Variants in CSMD1 observed in about 807,000 individuals in gnomAD.
CSMD1 encodes the protein CUB and Sushi multiple domains 1, also known as CUB and sushi domain-containing protein 1.
CSMD1 carries 213 observed loss-of-function variants against 417.5 expected under a neutral mutation model. The observed-to-expected ratio is 0.51, with a 90% CI of 0.46 to 0.57. The LOEUF (loss-of-function observed/expected upper bound fraction) is 0.57, where lower values mean the gene tolerates loss of function less well. Ranked by LOEUF, CSMD1 falls within the 20% of genes least tolerant of loss-of-function variation. The pLI is 0.00. For synonymous variants in CSMD1, 2,862 were observed against 1,736.8 expected, an observed-to-expected ratio of 1.65 and a Z score of -16.11; for missense variants, 6,923 against 4,529.7, an observed-to-expected ratio of 1.53 and a Z score of -15.17.
intron 10 of CSMD1, among the ~76,000 whole-genome samples, chr8:3,549,173 G>A (rs555789481): frequency 2.0e-5 from 3 of 152,262 alleles, no homozygotes; most frequent in South Asian, 4.1e-4. Flanking sequence ...ACAGCTCACG[G>A]TCCACATCCA....
intron 1 of CSMD1, among the ~76,000 whole-genome samples, chr8:4,768,546 C>G (rs1054620240): frequency 1.3e-5 from 2 of 152,180 alleles, no homozygotes; most frequent in East Asian, 1.9e-4. Flanking sequence ...TTGTTTGAGC[C>G]TCTTCTGTAG....
intron 2 of CSMD1, among the ~76,000 whole-genome samples, chr8:4,542,383 T>G (rs13272968): frequency 0.3 from 45,943 of 152,090 alleles, 8,132 homozygotes; most frequent in South Asian, 0.39. Flanking sequence ...TTTTTAAGTT[T>G]TCTCTTCAGA....
intron 1 of CSMD1, among the ~76,000 whole-genome samples, chr8:4,933,708 T>C (rs13259602): frequency 0.31 from 47,318 of 152,030 alleles, 8,337 homozygotes; most frequent in Non-Finnish European, 0.41. Context: ...GATGGAAGAA[T>C]GGATGAATGC....
chr8:4,705,050 T>C (rs1389296220), intron 1 of CSMD1, among the ~76,000 whole-genome samples: 1 of 152,196 alleles, frequency 6.6e-6, no homozygotes, highest in Non-Finnish European at 1.5e-5. Flanking sequence ...GCTGTTCTCA[T>C]GCTAGTGGGT....
chr8:3,406,232 A>G lies in CSMD1; in HGVS notation c.2072-11T>C, dbSNP rs1420949003. On this transcript the variant is annotated splice_polypyrimidine_tract_variant and intron_variant, in intron 14 of 69. Coordinates refer to ENST00000635120, the MANE Select transcript of CSMD1 (RefSeq NM_033225.6). The stretch of plus-strand genomic sequence containing the variant: ...CATTCTGACCAAATGCTGAAAGAAA[A>G]AGAAGAAGAAAAAAGGAATAAAAAT... 6.4e-7 allele frequency: 1 copy of G among 1,564,852 alleles called. No individual in the cohort carries two copies. The highest frequency in any genetic ancestry group is 8.6e-7 in the Non-Finnish European group (1 of 1,156,368).
intron 3 of CSMD1, among the ~76,000 whole-genome samples, chr8:4,411,010 C>T (rs149111657): frequency 9.1e-4 from 139 of 152,274 alleles, no homozygotes; most frequent in African/African-American, 3.2e-3. Flanking sequence ...TGTCTTACCT[C>T]TTTTGCATTC....
intron 26 of CSMD1, among the ~76,000 whole-genome samples, chr8:3,248,184 T>C (rs1464125032): frequency 6.6e-6 from 1 of 152,064 alleles, no homozygotes; most frequent in Non-Finnish European, 1.5e-5. Context: ...AATTAAAGAA[T>C]GAAGTATGAA....
At chr8:4,601,785 A>T (rs1023247529) in intron 2 of CSMD1, among the ~76,000 whole-genome samples, 1 of 152,166 alleles carries the variant, frequency 6.6e-6, no homozygotes, top group African/African-American at 2.4e-5. Context: ...ACCAAATGAA[A>T]AGTGAGTAAA....
chr8:3,386,179 T>C (rs996862444), intron 18 of CSMD1, among the ~76,000 whole-genome samples: 7 of 152,174 alleles, frequency 4.6e-5, no homozygotes, highest in Non-Finnish European at 1.0e-4. Context: ...ATGCCTCAGC[T>C]CATCTGCACA....
At chr8:4,589,055 T>C (rs1238927111) in intron 2 of CSMD1, among the ~76,000 whole-genome samples, 1 of 152,104 alleles carries the variant, frequency 6.6e-6, no homozygotes, top group Non-Finnish European at 1.5e-5. Context: ...TAATGTGTAA[T>C]AGTGTAAAAA....
intron 1 of CSMD1, among the ~76,000 whole-genome samples, chr8:4,823,965 C>A (rs973665331): frequency 1.3e-5 from 2 of 151,870 alleles, no homozygotes; most frequent in Admixed American, 6.6e-5. Context: ...TAAGTGCACA[C>A]ATACACACCC....
chr8:4,168,402 C>G (rs916442846), intron 3 of CSMD1, among the ~76,000 whole-genome samples: 1 of 151,532 alleles, frequency 6.6e-6, no homozygotes, highest in Non-Finnish European at 1.5e-5. Context: ...CTCTCTCTCT[C>G]AATATATATT....
At chr8:3,044,903 C>T (rs1413435017) in intron 50 of CSMD1, among the ~76,000 whole-genome samples, 1 of 152,092 alleles carries the variant, frequency 6.6e-6, no homozygotes, top group Non-Finnish European at 1.5e-5. Context: ...AAGGAATGAG[C>T]CCTGGGGAAA....
intron 15 of CSMD1, among the ~76,000 whole-genome samples, chr8:3,401,679 T>G (rs1035857206): frequency 6.6e-6 from 1 of 152,160 alleles, no homozygotes; most frequent in Non-Finnish European, 1.5e-5. Flanking sequence ...CACAGGTCCC[T>G]TCTTCAGTTG....
intron 37 of CSMD1, among the ~76,000 whole-genome samples, chr8:3,171,763 ACTT>A (rs1820596720): frequency 6.6e-6 from 1 of 152,222 alleles, no homozygotes; most frequent in Non-Finnish European, 1.5e-5. Context: ...GAGACAATAT[ACTT>A]CTATATCTAG....
In CSMD1 at chr8:3,433,722, C is replaced by A. The variant is rs1031232354; in HGVS notation, c.1562-24117G>T. On this transcript the variant is annotated intron_variant, in intron 12 of 69. Coordinates refer to ENST00000635120, the MANE Select transcript of CSMD1 (RefSeq NM_033225.6). ...GCCTGCAACCCCATATTCTTATTTT[C>A]TAATCTGAAGTTAAATTCAGGCTTG... 1.8e-4 allele frequency among the ~76,000 whole-genome samples: 27 copies of A among 152,182 alleles called. 1 individual carries two copies. Among genetic ancestry groups the A allele is most frequent in the African/African-American group, 6.5e-4 (27 of 41,438 alleles).
intron 7 of CSMD1, among the ~76,000 whole-genome samples, chr8:3,695,055 G>C (rs1221849447): frequency 6.8e-6 from 1 of 147,686 alleles, no homozygotes; most frequent in African/African-American, 2.5e-5. Flanking sequence ...TCACGTGGAA[G>C]AAAGAACATC....
intron 30 of CSMD1, among the ~76,000 whole-genome samples, chr8:3,210,847 T>A (rs1274723896): frequency 6.6e-6 from 1 of 152,014 alleles, no homozygotes; most frequent in East Asian, 1.9e-4. Context: ...TAATATAAAT[T>A]AAATGCCTTT....
intron 3 of CSMD1, among the ~76,000 whole-genome samples, chr8:4,092,889 C>T (rs2130852766): frequency 6.6e-6 from 1 of 152,206 alleles, no homozygotes; most frequent in South Asian, 2.1e-4. Flanking sequence ...TACTTCTGGA[C>T]TTGCCAAAAC....
Sources: allele counts gnomAD v4.1 joint callset (sites outside exome capture counted in the v4.1 genomes callset), GRCh38; gene constraint gnomAD v4.1.1; transcripts MANE v1.5; gene names NCBI Gene and HGNC (gene_info 2026-07-23, HGNC 2026-07-21).